WWOX: variants seen among roughly 807,000 people sequenced by gnomAD.
WWOX encodes WW domain-containing oxidoreductase.
Under a neutral mutation model 46.2 loss-of-function variants are expected in WWOX, and 69 were observed. The ratio of observed to expected loss-of-function variants is 1.49; its 90% CI spans 1.23 to 1.82. The LOEUF (loss-of-function observed/expected upper bound fraction) is 1.82, where lower values mean the gene tolerates loss of function less well. Among genes scored for constraint, WWOX ranks in the 40% most tolerant of loss-of-function variants. The pLI is 0.00. For synonymous variants in WWOX, 359 were observed against 202.6 expected, an observed-to-expected ratio of 1.77 and a Z score of -6.56; for missense variants, 919 against 542.6, an observed-to-expected ratio of 1.69 and a Z score of -6.89.
intron 8 of WWOX, chr16:78,896,295 A>G (rs1052104931): frequency 2.6e-5 from 4 of 152,116 alleles, no homozygotes; most frequent in African/African-American, 9.7e-5. Flanking sequence ...CAGAGACAAA[A>G]ATTTGGGAAA....
At chr16:78,566,543 C>G (rs1476969815) in intron 8 of WWOX, among the ~76,000 whole-genome samples, 1 of 152,106 alleles carries the variant, frequency 6.6e-6, no homozygotes, top group Non-Finnish European at 1.5e-5. Flanking sequence ...GTTCCAAGGA[C>G]CAACTGAGGC....
At chr16:78,330,778 C>T (rs970900902) in intron 5 of WWOX, among the ~76,000 whole-genome samples, 28 of 152,362 alleles carry the variant, frequency 1.8e-4, no homozygotes, top group African/African-American at 6.7e-4. Flanking sequence ...TCACTTCTTT[C>T]AGTCACCCTC....
chr16:78,372,126 A>G (rs1418721553), intron 5 of WWOX, among the ~76,000 whole-genome samples: 1 of 152,222 alleles, frequency 6.6e-6, no homozygotes, highest in Non-Finnish European at 1.5e-5. Context: ...AAACTAAGGC[A>G]CAGGGATTTT....
chr16:78,110,961 A>T (rs1229212993), intron 3 of WWOX, among the ~76,000 whole-genome samples: 4 of 152,200 alleles, frequency 2.6e-5, no homozygotes, highest in African/African-American at 7.2e-5. Flanking sequence ...ATAGTCTTTG[A>T]CAGGATTAGG....
chr16:78,731,545 C>G (rs562641424), intron 8 of WWOX, among the ~76,000 whole-genome samples: 1 of 152,160 alleles, frequency 6.6e-6, no homozygotes, highest in Non-Finnish European at 1.5e-5. Flanking sequence ...TCTTATCTAT[C>G]CCTTTCTTAC....
chr16:78,846,245 A>G (rs569946865), intron 8 of WWOX, among the ~76,000 whole-genome samples: 5 of 152,296 alleles, frequency 3.3e-5, no homozygotes, highest in East Asian at 3.9e-4. Flanking sequence ...AACATGATAC[A>G]TTTTTCAGCA....
intron 6 of WWOX, among the ~76,000 whole-genome samples, chr16:78,406,139 C>A (rs1193255957): frequency 1.3e-5 from 2 of 151,354 alleles, no homozygotes; most frequent in South Asian, 4.2e-4. Flanking sequence ...CTTTCTCAAA[C>A]TTAAGCCAAC....
At chr16:78,634,113 T>C (rs1281734273) in intron 8 of WWOX, among the ~76,000 whole-genome samples, 1 of 152,134 alleles carries the variant, frequency 6.6e-6, no homozygotes, top group Non-Finnish European at 1.5e-5. Context: ...GCTATATGAC[T>C]CTGTACCAGA....
intron 8 of WWOX, among the ~76,000 whole-genome samples, chr16:78,946,673 C>T (rs1323892953): frequency 2.0e-5 from 3 of 152,118 alleles, no homozygotes; most frequent in African/African-American, 4.8e-5. Flanking sequence ...ACTCTGCAGA[C>T]ATGTTGCAGG....
At chr16:79,067,017 C>T (rs2048454012) in intron 8 of WWOX, among the ~76,000 whole-genome samples, 1 of 152,114 alleles carries the variant, frequency 6.6e-6, no homozygotes, top group Admixed American at 6.5e-5. Flanking sequence ...CAGTTAAGTG[C>T]TCTGTTGAAG....
chr16:78,825,212 C>T (rs2051617123), intron 8 of WWOX: 1 of 204,756 alleles, frequency 4.9e-6, no homozygotes, highest in Middle Eastern at 1.9e-3. Context: ...ACTGCACTGT[C>T]CTGACTTGCT....
In WWOX at chr16:78,339,156, G is replaced by A. The variant is rs777009839; in HGVS notation, c.517-47704G>A. Among the ~76,000 whole-genome samples the A allele has an allele frequency of 1.7e-5, 2 of 119,686 alleles. 1 individual carries two copies. The highest frequency in any genetic ancestry group is 4.0e-5 in the Non-Finnish European group (2 of 50,290). 78.5% of individuals were successfully genotyped at this position (119,686 alleles called of 152,430 possible). ...TATCATGTATAATGATGTTTAAGAA[G>A]ACAGTTTTTTTTGTTTAAATTGTTA... On this transcript the variant is annotated intron_variant, in intron 5 of 8. Coordinates refer to ENST00000566780, the MANE Select transcript of WWOX (RefSeq NM_016373.4).
intron 8 of WWOX, among the ~76,000 whole-genome samples, chr16:78,433,876 G>A (rs112044314): frequency 4.5e-5 from 6 of 132,466 alleles, no homozygotes; most frequent in Admixed American, 1.8e-4. Flanking sequence ...TGCAAGCTCC[G>A]CCTCCCGGGT....
chr16:78,247,077 A>G (rs954862405), intron 5 of WWOX, among the ~76,000 whole-genome samples: 1 of 152,078 alleles, frequency 6.6e-6, no homozygotes, highest in Admixed American at 6.5e-5. Flanking sequence ...AGTTATGTTT[A>G]CGTGTTTGCT....
At chr16:78,209,772 T>C (rs907121299) in intron 5 of WWOX, among the ~76,000 whole-genome samples, 26 of 152,030 alleles carry the variant, frequency 1.7e-4, no homozygotes, top group African/African-American at 5.8e-4. Context: ...TGAATAATCA[T>C]GTACAAATAT....
intron 8 of WWOX, among the ~76,000 whole-genome samples, chr16:79,029,683 G>T (rs562733924): frequency 6.6e-6 from 1 of 151,934 alleles, no homozygotes; most frequent in African/African-American, 2.4e-5. Context: ...TAAACTTTAG[G>T]CATTGATGCG....
chr16:78,303,492 A>C (rs2151868617), intron 5 of WWOX, among the ~76,000 whole-genome samples: 1 of 152,010 alleles, frequency 6.6e-6, no homozygotes, highest in Admixed American at 6.6e-5. Context: ...CCACTTTTCA[A>C]ATTTTCACCA....
intron 8 of WWOX, among the ~76,000 whole-genome samples, chr16:78,787,745 T>C (rs1476855484): frequency 6.6e-6 from 1 of 152,232 alleles, no homozygotes; most frequent in African/African-American, 2.4e-5. Flanking sequence ...GCCACCAAAT[T>C]GTTTTCCACG....
intron 5 of WWOX, among the ~76,000 whole-genome samples, chr16:78,178,751 C>G (rs1397573058): frequency 1.3e-5 from 2 of 151,902 alleles, no homozygotes; most frequent in Admixed American, 1.3e-4. Context: ...ATAATCCCAG[C>G]TGCTCAGGAA....
Sources: gnomAD v4.1 joint callset for allele counts (sites outside exome capture counted in the v4.1 genomes callset) on GRCh38, gnomAD v4.1.1 for gene constraint, MANE v1.5 for transcripts, NCBI Gene and HGNC (gene_info 2026-07-23, HGNC 2026-07-21) for gene names.